CACNA2D3: variants seen among roughly 807,000 people sequenced by gnomAD.
CACNA2D3 encodes the protein calcium voltage-gated channel auxiliary subunit alpha2delta 3, also known as voltage-dependent calcium channel subunit alpha-2/delta-3.
In CACNA2D3, 60 loss-of-function variants were observed where a neutral mutation model predicts 160.6. That is an observed-to-expected ratio of 0.37 (90% CI 0.30 to 0.46). CACNA2D3 has a LOEUF of 0.46. Ranked by LOEUF, CACNA2D3 falls within the 20% of genes least tolerant of loss-of-function variation. CACNA2D3 has a pLI of 1.00. For missense variants in CACNA2D3, 1,205 were observed against 1,365.0 expected (o/e 0.88, Z 1.85); for synonymous variants, 558 against 492.9 (o/e 1.13, Z -1.75).
At position 54,545,991 on chromosome 3, in the gene CACNA2D3, G is replaced by A. The variant is rs140259646; in HGVS notation, c.545-16809G>A. Among the ~76,000 whole-genome samples, 648 of 152,282 alleles carry A rather than the reference G, an allele frequency of 4.3e-3. 2 individuals carry two copies. Among genetic ancestry groups the A allele is most frequent in the Middle Eastern group, 0.01 (3 of 294 alleles). On this transcript the variant is annotated intron_variant, in intron 5 of 37. Coordinates refer to ENST00000474759, the MANE Select transcript of CACNA2D3 (RefSeq NM_018398.3). ...CCTGTGCTGACTAGTTGAGGGATGGGCATACAATGGTCACCGTCCATGCAG... is the reference window on the plus strand; with the variant it reads ...CCTGTGCTGACTAGTTGAGGGATGGACATACAATGGTCACCGTCCATGCAG...
At chr3:54,993,179 C>T (rs1368844404) in intron 31 of CACNA2D3, among the ~76,000 whole-genome samples, 1 of 152,196 alleles carries the variant, frequency 6.6e-6, no homozygotes, top group Non-Finnish European at 1.5e-5. Context: ...ACCATATTAG[C>T]ACTTTACTCT....
chr3:54,241,842 T>G (rs1300282414), intron 2 of CACNA2D3, among the ~76,000 whole-genome samples: 1 of 152,206 alleles, frequency 6.6e-6, no homozygotes, highest in African/African-American at 2.4e-5. Context: ...TTATGTAACC[T>G]TGGGTAAGTT....
chr3:54,974,133 T>A (rs1702333181), intron 29 of CACNA2D3, among the ~76,000 whole-genome samples: 1 of 152,224 alleles, frequency 6.6e-6, no homozygotes, highest in African/African-American at 2.4e-5. Flanking sequence ...CCTCCTGCTA[T>A]GAACTATGTA....
intron 17 of CACNA2D3, 77 bp downstream of exon 17, chr3:54,846,544 CT>C: frequency 1.1e-6 from 1 of 907,016 alleles, no homozygotes; most frequent in East Asian, 2.7e-5. Flanking sequence ...AGTGATGACA[CT>C]TTGCTGCAGT....
intron 3 of CACNA2D3, among the ~76,000 whole-genome samples, chr3:54,336,850 AT>A (rs747729202): frequency 1.3e-5 from 2 of 152,222 alleles, no homozygotes; most frequent in Non-Finnish European, 2.9e-5. Context: ...ATCTATATAA[AT>A]TAAAAGTATA....
chr3:54,366,239 GC>G (rs1408588442), intron 3 of CACNA2D3, among the ~76,000 whole-genome samples: 1 of 152,164 alleles, frequency 6.6e-6, no homozygotes, highest in African/African-American at 2.4e-5. Flanking sequence ...GTAGGAGCTT[GC>G]CAGGCCAGGA....
chr3:54,223,643 C>G (rs183984524), intron 2 of CACNA2D3, among the ~76,000 whole-genome samples: 105 of 152,158 alleles, frequency 6.9e-4, no homozygotes, highest in African/African-American at 2.5e-3. Flanking sequence ...ATCATGAGGT[C>G]AGGAGTTCGA....
intron 3 of CACNA2D3, among the ~76,000 whole-genome samples, chr3:54,379,815 G>A (rs1289336871): frequency 6.6e-6 from 1 of 152,116 alleles, no homozygotes; most frequent in African/African-American, 2.4e-5. Context: ...AAGCTTCCTT[G>A]GCTTCCTGAC....
At chr3:54,625,679 C>T (rs1699081957) in intron 9 of CACNA2D3, among the ~76,000 whole-genome samples, 1 of 152,136 alleles carries the variant, frequency 6.6e-6, no homozygotes, top group Admixed American at 6.5e-5. Context: ...AGGTGTCATT[C>T]AAAGGTTTTT....
Position 54,320,634 on chromosome 3 carries a change from A to G in CACNA2D3, c.321+76A>G, listed in dbSNP as rs969209052. ...TTCAGGGGATGGCATTGATGAACCA[A>G]TCTCTCAAAGATAAAAGTTGACTCA... On this transcript the variant is annotated intron_variant, in intron 3 of 37. Transcript: ENST00000474759. 1.4e-5 allele frequency: 9 copies of G among 663,012 alleles called. No homozygotes were observed. In the African/African-American group the frequency reaches 1.5e-4, roughly 11 times the overall value. 41.1% of individuals were successfully genotyped at this position (663,012 alleles called of 1,614,324 possible).
At chr3:54,278,445 A>C (rs961515420) in intron 2 of CACNA2D3, among the ~76,000 whole-genome samples, 3 of 152,242 alleles carry the variant, frequency 2.0e-5, no homozygotes, top group African/African-American at 7.2e-5. Context: ...TCAAGGATCT[A>C]GAACCAGAAA....
chr3:54,403,154 G>A (rs1479481773), intron 4 of CACNA2D3, among the ~76,000 whole-genome samples: 1 of 151,796 alleles, frequency 6.6e-6, no homozygotes, highest in South Asian at 2.1e-4. Flanking sequence ...TGAAGAGTTC[G>A]AGACCAGCTT....
At chr3:54,683,766 G>A (rs906214988) in intron 11 of CACNA2D3, among the ~76,000 whole-genome samples, 14 of 152,248 alleles carry the variant, frequency 9.2e-5, no homozygotes, top group Non-Finnish European at 1.8e-4. Context: ...GAAGCTAGAA[G>A]TCTGAAATCA....
chr3:54,582,438 T>G (rs938678570), intron 9 of CACNA2D3, among the ~76,000 whole-genome samples: 5 of 152,254 alleles, frequency 3.3e-5, no homozygotes, highest in African/African-American at 1.2e-4. Context: ...CCCTCCAGTT[T>G]TGGAGTATCC....
intron 3 of CACNA2D3, among the ~76,000 whole-genome samples, chr3:54,358,759 T>C (rs1282079016): frequency 6.6e-6 from 1 of 152,170 alleles, no homozygotes; most frequent in Non-Finnish European, 1.5e-5. Flanking sequence ...CGCAGCAAAT[T>C]GGATATCAAC....
chr3:54,289,058 A>G (rs1434953701), intron 2 of CACNA2D3, among the ~76,000 whole-genome samples: 1 of 151,798 alleles, frequency 6.6e-6, no homozygotes, highest in Non-Finnish European at 1.5e-5. Flanking sequence ...TAGTGTTGGA[A>G]GTCCTGGCCA....
intron 14 of CACNA2D3, among the ~76,000 whole-genome samples, chr3:54,836,236 T>G (rs893428223): frequency 9.7e-5 from 13 of 134,318 alleles, no homozygotes; most frequent in Admixed American, 2.3e-4. Flanking sequence ...CTTTTTTTTT[T>G]TTTTTGTTTT....
At chr3:54,865,901 C>T (rs1699391069) in intron 17 of CACNA2D3, among the ~76,000 whole-genome samples, 1 of 152,206 alleles carries the variant, frequency 6.6e-6, no homozygotes, top group African/African-American at 2.4e-5. Flanking sequence ...GCCCGTACCT[C>T]CATCTTACGG....
chr3:54,388,378 T>C (rs1699225100), intron 4 of CACNA2D3, among the ~76,000 whole-genome samples: 1 of 152,192 alleles, frequency 6.6e-6, no homozygotes, highest in Non-Finnish European at 1.5e-5. Context: ...TGCAGTTCAG[T>C]TCAGTCATTG....
Sources: allele counts gnomAD v4.1 joint callset (sites outside exome capture counted in the v4.1 genomes callset), GRCh38; gene constraint gnomAD v4.1.1; transcripts MANE v1.5; gene names NCBI Gene and HGNC (gene_info 2026-07-23, HGNC 2026-07-21).